The following CA10 variants were observed in gnomAD, a reference collection of about 807,000 sequenced individuals.
CA10 encodes the protein carbonic anhydrase-related protein 10.
A neutral mutation model predicts 44.2 loss-of-function variants in CA10; 14 were observed. The ratio of observed to expected loss-of-function variants is 0.32; its 90% CI spans 0.21 to 0.50. The LOEUF (loss-of-function observed/expected upper bound fraction) is 0.50. Among genes scored for constraint, CA10 ranks in the 20% least tolerant of loss-of-function variants. The probability of loss-of-function intolerance (pLI) is 0.99; values close to 1 mark genes in which losing one functional copy is unlikely to be tolerated. For missense variants in CA10, 350 were observed against 409.7 expected, an observed-to-expected ratio of 0.85 and a Z score of 1.26; for synonymous variants, 159 against 141.6, an observed-to-expected ratio of 1.12 and a Z score of -0.87.
intron 4 of CA10, among the ~76,000 whole-genome samples, chr17:51,701,576 T>C (rs1915605547): frequency 1.3e-5 from 2 of 152,180 alleles, no homozygotes; most frequent in Admixed American, 1.3e-4. Context: ...TAGGATCCCA[T>C]GATACTCACA....
At chr17:52,134,933 C>T in intron 1 of CA10, 3 of 519,100 alleles carry the variant, frequency 5.8e-6, no homozygotes, top group South Asian at 4.2e-5. Flanking sequence ...AATCCACATC[C>T]TGAACGGCTC....
At chr17:51,749,715 G>A (rs911969474) in intron 3 of CA10, among the ~76,000 whole-genome samples, 1 of 152,182 alleles carries the variant, frequency 6.6e-6, no homozygotes, top group Non-Finnish European at 1.5e-5. Context: ...GAACTGCAAG[G>A]TCGCCTGAGT....
intron 3 of CA10, among the ~76,000 whole-genome samples, chr17:51,848,595 C>T (rs75345312): frequency 0.01 from 1,599 of 152,352 alleles, 11 homozygotes; most frequent in South Asian, 0.022. Context: ...CATTGATTCA[C>T]TCCAAAATGT....
intron 1 of CA10, among the ~76,000 whole-genome samples, chr17:52,094,498 A>G (rs992749364): frequency 6.6e-6 from 1 of 152,142 alleles, no homozygotes; most frequent in Non-Finnish European, 1.5e-5. Context: ...ACCTAAAGAT[A>G]TCACAAAAGA....
intron 4 of CA10, among the ~76,000 whole-genome samples, chr17:51,725,252 G>A (rs1052335828): frequency 1.7e-4 from 26 of 152,194 alleles, no homozygotes; most frequent in Admixed American, 7.9e-4. Context: ...TGAGTGGGCC[G>A]GAGCCCCTTT....
intron 3 of CA10, among the ~76,000 whole-genome samples, chr17:51,897,579 T>C (rs986695786): frequency 6.6e-6 from 1 of 152,178 alleles, no homozygotes; most frequent in Non-Finnish European, 1.5e-5. Context: ...AATTTTAAAA[T>C]GGTTTTTTCT....
At chr17:51,785,190 G>T (rs1053276823) in intron 3 of CA10, among the ~76,000 whole-genome samples, 2 of 152,080 alleles carry the variant, frequency 1.3e-5, no homozygotes, top group African/African-American at 4.8e-5. Context: ...TGGACACTTA[G>T]GTTGCTTCCA....
At chr17:51,839,048 C>G (rs947311167) in intron 3 of CA10, among the ~76,000 whole-genome samples, 2 of 152,214 alleles carry the variant, frequency 1.3e-5, no homozygotes, top group Non-Finnish European at 2.9e-5. Flanking sequence ...AAGGCAGGCA[C>G]TACACAAAAT....
chr17:51,775,210 GCA>G (rs945652269), intron 3 of CA10, among the ~76,000 whole-genome samples: 4 of 152,204 alleles, frequency 2.6e-5, no homozygotes, highest in Admixed American at 1.3e-4. Context: ...CACAGAGAGG[GCA>G]CAGTCTGGTT....
rs1051352569 is a variant in CA10, at chr17:51,807,407, C to A, written c.280-59589G>T. ...TTTTATTGTTAAGGAAATTTAGAACCAGTGACATGAAATGATTTGTCTAAA... is the reference window on the plus strand; with the variant it reads ...TTTTATTGTTAAGGAAATTTAGAACAAGTGACATGAAATGATTTGTCTAAA... On this transcript the variant is annotated intron_variant, in intron 3 of 8. Coordinates refer to ENST00000451037, the MANE Select transcript of CA10 (RefSeq NM_020178.5). Among the ~76,000 whole-genome samples the A allele has an allele frequency of 2.0e-5, 3 of 152,104 alleles. No individual in the cohort carries two copies. In the South Asian group the frequency reaches 6.2e-4, roughly 32 times the overall value.
At chr17:51,863,503 T>G (rs1185621116) in intron 3 of CA10, among the ~76,000 whole-genome samples, 1 of 152,210 alleles carries the variant, frequency 6.6e-6, no homozygotes, top group Non-Finnish European at 1.5e-5. Flanking sequence ...AGCTAGACTC[T>G]GAGATACTTG....
At chr17:52,017,154 A>C (rs1384031416) in intron 2 of CA10, among the ~76,000 whole-genome samples, 1 of 152,138 alleles carries the variant, frequency 6.6e-6, no homozygotes, top group African/African-American at 2.4e-5. Flanking sequence ...TAGCCATGCA[A>C]AGCAGACTAC....
intron 4 of CA10, among the ~76,000 whole-genome samples, chr17:51,710,901 A>G (rs1915919860): frequency 6.8e-6 from 1 of 147,494 alleles, no homozygotes; most frequent in Non-Finnish European, 1.5e-5. Flanking sequence ...AGATTATGCC[A>G]AAGACTGAAC....
At chr17:51,978,846 T>C (rs1263190731) in intron 2 of CA10, among the ~76,000 whole-genome samples, 1 of 152,100 alleles carries the variant, frequency 6.6e-6, no homozygotes, top group Admixed American at 6.6e-5. Flanking sequence ...CTAACATGTA[T>C]ATTTTCAAGC....
chr17:52,108,195 T>A (rs1988705893), intron 1 of CA10, among the ~76,000 whole-genome samples: 1 of 16,956 alleles, frequency 5.9e-5, no homozygotes, highest in Admixed American at 8.3e-4. Flanking sequence ...ATATATTTTT[T>A]ATATATATAT....
At chr17:52,052,971 T>TGTG (rs997907141) in intron 2 of CA10, among the ~76,000 whole-genome samples, 2 of 151,932 alleles carry the variant, frequency 1.3e-5, no homozygotes, top group African/African-American at 2.4e-5. Context: ...GATGTGTGTG[T>TGTG]GTGTGGTGGC....
At chr17:51,792,450 CAT>C (rs921722581) in intron 3 of CA10, among the ~76,000 whole-genome samples, 27 of 152,226 alleles carry the variant, frequency 1.8e-4, no homozygotes, top group Admixed American at 8.5e-4. Flanking sequence ...TTGGTGGCAG[CAT>C]ATGTTTGTCT....
chr17:51,744,440 C>T (rs1232688492), intron 4 of CA10, among the ~76,000 whole-genome samples: 2 of 151,986 alleles, frequency 1.3e-5, no homozygotes, highest in African/African-American at 2.4e-5. Context: ...CTGTTCAGTG[C>T]TTAATAACTC....
chr17:51,748,547 C>CCTCAGCACTT (rs71149377), intron 3 of CA10: 618,751 of 920,196 alleles, frequency 0.67, 211,209 homozygotes, highest in Admixed American at 0.77. Flanking sequence ...CTGACTGTGA[C>CCTCAGCACTT]CTCAACAACA....
Sources: allele counts gnomAD v4.1 joint callset (sites outside exome capture counted in the v4.1 genomes callset), GRCh38; gene constraint gnomAD v4.1.1; transcripts MANE v1.5; gene names NCBI Gene and HGNC (gene_info 2026-07-23, HGNC 2026-07-21).